The following GRB10 variants were observed in gnomAD, a reference collection of about 807,000 sequenced individuals.
GRB10 encodes growth factor receptor bound protein 10.
Under a neutral mutation model 80.9 loss-of-function variants are expected in GRB10, and 20 were observed. The ratio of observed to expected loss-of-function variants is 0.25; its 90% confidence interval spans 0.17 to 0.36. GRB10 has a LOEUF of 0.36. Ranked by LOEUF, GRB10 falls within the 10% of genes least tolerant of loss-of-function variation. The pLI, the probability that GRB10 is intolerant of heterozygous loss-of-function variation, is 1.00. For synonymous variants in GRB10, 291 were observed against 291.5 expected (o/e 1.00, Z 0.02); for missense variants, 548 against 747.7 (o/e 0.73, Z 3.12).
upstream of GRB10, among the ~76,000 whole-genome samples, chr7:50,786,063 G>C (rs1219665584): frequency 1.3e-5 from 2 of 152,048 alleles, no homozygotes; most frequent in African/African-American, 4.8e-5. Context: ...ACCTGAAACT[G>C]CTCTAAAGTC....
At chr7:50,774,491 C>A (rs1462211411) in intron 2 of GRB10, among the ~76,000 whole-genome samples, 1 of 152,190 alleles carries the variant, frequency 6.6e-6, no homozygotes, top group African/African-American at 2.4e-5. Context: ...TGTGCCCTCA[C>A]ATGGCAGAAT....
Position 50,703,870 on chromosome 7 carries a change from C to T in GRB10, c.90G>A (p.Pro30=), listed in dbSNP as rs201590736. Reference sequence around the variant, plus strand: ...ACTGTGCGGGGAGTCCTGGTCCTGCCGGGTCTTGTTGACTGCGAGGTGTCT... The same window carrying T: ...ACTGTGCGGGGAGTCCTGGTCCTGCTGGGTCTTGTTGACTGCGAGGTGTCT... ...VEQTPRSQQD[P]AGPGLPAQSD... Residue 30 remains proline (P), a synonymous_variant, in exon 5 of 19, where the codon CCG becomes CCA. Transcript: ENST00000401949. 74 of 1,613,408 alleles carry T rather than the reference C, an allele frequency of 4.6e-5. No individual in the cohort carries two copies. The highest frequency in any genetic ancestry group is 2.8e-4 in the African/African-American group (21 of 75,012).
chr7:50,790,520 G>A (rs953933278), intron 1 of GRB10, among the ~76,000 whole-genome samples: 10 of 152,240 alleles, frequency 6.6e-5, no homozygotes. Context: ...TTAATAAACT[G>A]AGAAACAGAC....
At chr7:50,605,262 T>A (rs995659016) in intron 15 of GRB10, 28 bp downstream of exon 15, 1 of 1,560,612 alleles carries the variant, frequency 6.4e-7, no homozygotes, top group Non-Finnish European at 8.8e-7. Context: ...AGGGTGCCCC[T>A]CCAGGCTGGC....
intron 13 of GRB10, chr7:50,607,215 T>A (rs1434917381): frequency 2.6e-5 from 4 of 152,336 alleles, no homozygotes; most frequent in African/African-American, 9.6e-5. Context: ...GGGACTATAG[T>A]TAATTTTATG....
At chr7:50,676,123 T>C (rs980436593) in intron 5 of GRB10, among the ~76,000 whole-genome samples, 2 of 152,134 alleles carry the variant, frequency 1.3e-5, no homozygotes, top group Non-Finnish European at 2.9e-5. Context: ...TAGCTGCAAG[T>C]TACACCCACT....
chr7:50,793,398 G>A (rs907017180), exon 1 of GRB10: 1 of 148,496 alleles, frequency 6.7e-6, no homozygotes, highest in African/African-American at 2.5e-5. Context: ...GCTCCACCGG[G>A]TCTCCGAGCG....
intron 5 of GRB10, among the ~76,000 whole-genome samples, chr7:50,690,108 C>T (rs1202531495): frequency 6.6e-6 from 1 of 151,996 alleles, no homozygotes; most frequent in Non-Finnish European, 1.5e-5. Flanking sequence ...ACCAGCCTGA[C>T]CAACATGGAG....
chr7:50,619,200 G>A lies in GRB10; in HGVS notation c.747C>T (p.Tyr249=), dbSNP rs1800505. The change falls in exon 9 of 19, where the codon TAC becomes TAT. Residue 249 remains tyrosine, a synonymous_variant. Transcript: ENST00000401949. ...GATTTTTAAAGAACTCGTATTTTGC[G>A]TAATTCTTCCTGAATAGAAATTTAC... is the stretch of plus-strand genomic sequence containing the variant. ...SESKFLFRKN[Y]AKYEFFKNPM... The A allele has an allele frequency of 4.5e-5, 73 of 1,610,706 alleles. No homozygotes were observed. In the African/African-American group the frequency reaches 5.2e-4, roughly 11 times the overall value.
chr7:50,710,913 GTCTC>G (rs779153892), intron 4 of GRB10: 1 of 1,612,564 alleles, frequency 6.2e-7, no homozygotes, highest in East Asian at 2.2e-5. Flanking sequence ...TGCATAGGAG[GTCTC>G]TCTCTCCCTC....
intron 5 of GRB10, among the ~76,000 whole-genome samples, chr7:50,701,065 G>A (rs894948255): frequency 4.6e-5 from 7 of 151,554 alleles, no homozygotes; most frequent in Admixed American, 1.3e-4. Flanking sequence ...TTTTTCTTCC[G>A]TTTTCTACTT....
At chr7:50,788,925 G>A (rs1466551441) in intron 1 of GRB10, among the ~76,000 whole-genome samples, 1 of 152,186 alleles carries the variant, frequency 6.6e-6, no homozygotes, top group African/African-American at 2.4e-5. Context: ...ACCCAATGCT[G>A]CTGCCCATCA....
chr7:50,640,120 G>A (rs2055945502), intron 7 of GRB10, among the ~76,000 whole-genome samples: 1 of 152,288 alleles, frequency 6.6e-6, no homozygotes, highest in African/African-American at 2.4e-5. Context: ...TCCCAAACAG[G>A]GGCAGGGCCC....
intron 2 of GRB10, among the ~76,000 whole-genome samples, chr7:50,766,517 T>C (rs1436317322): frequency 6.6e-6 from 1 of 152,174 alleles, no homozygotes; most frequent in African/African-American, 2.4e-5. Flanking sequence ...GAAAAAAGGA[T>C]ACACCTCAAA....
At chr7:50,773,181 G>C (rs901768976) in intron 2 of GRB10, among the ~76,000 whole-genome samples, 1 of 151,916 alleles carries the variant, frequency 6.6e-6, no homozygotes, top group Non-Finnish European at 1.5e-5. Flanking sequence ...ACTATCACTA[G>C]AATAGCATGG....
chr7:50,689,239 A>G (rs965916140), intron 5 of GRB10, among the ~76,000 whole-genome samples: 1 of 152,212 alleles, frequency 6.6e-6, no homozygotes, highest in African/African-American at 2.4e-5. Context: ...TGAGTCCCCA[A>G]GAGGAAGCAC....
intron 13 of GRB10, among the ~76,000 whole-genome samples, chr7:50,611,901 T>C (rs948221694): frequency 2.0e-5 from 3 of 152,218 alleles, no homozygotes; most frequent in African/African-American, 7.2e-5. Context: ...CCCTGGACTT[T>C]AGCCAAGCTC....
chr7:50,593,109 A>G lies in GRB10; in HGVS notation c.1639-11T>C. On this transcript the variant is annotated splice_polypyrimidine_tract_variant and intron_variant, in intron 18 of 18. Transcript: ENST00000401949. ...CCCGTCGTCCTCGCACTGGAGAGAC[A>G]CAAGAACACTTGCCAGGTTAGAGGC... The G allele has an allele frequency of 6.2e-7, 1 of 1,614,116 alleles. No individual in the cohort carries two copies. The highest frequency in any genetic ancestry group is 8.5e-7 in the Non-Finnish European group (1 of 1,180,036).
chr7:50,757,390 T>C (rs1024303216), intron 2 of GRB10, among the ~76,000 whole-genome samples: 5 of 152,228 alleles, frequency 3.3e-5, no homozygotes, highest in East Asian at 3.8e-4. Flanking sequence ...AACTACAACA[T>C]GCCAAATAAT....
Sources: gnomAD v4.1 joint callset for allele counts (sites outside exome capture counted in the v4.1 genomes callset) on GRCh38, gnomAD v4.1.1 for gene constraint, MANE v1.5 for transcripts, NCBI Gene and HGNC (gene_info 2026-07-23, HGNC 2026-07-21) for gene names.